Variants in C8B observed in about 807,000 individuals in gnomAD.
C8B encodes the protein complement component C8 beta chain.
In C8B, 67 loss-of-function variants were observed where a neutral mutation model predicts 64.6. That is an observed-to-expected ratio of 1.04 (90% CI 0.85 to 1.27). The LOEUF (loss-of-function observed/expected upper bound fraction) is 1.27, where lower values mean the gene tolerates loss of function less well. C8B is among the 50% of genes most tolerant of loss of function. C8B has a pLI of 0.00. For missense variants in C8B, 790 were observed against 725.2 expected (o/e 1.09, Z -1.03); for synonymous variants, 284 against 257.7 (o/e 1.10, Z -0.98).
chr1:56,945,047 G>C (rs1437359238), intron 7 of C8B, among the ~76,000 whole-genome samples: 1 of 152,204 alleles, frequency 6.6e-6, no homozygotes, highest in African/African-American at 2.4e-5. Flanking sequence ...GATAATCTGA[G>C]ACCTTGCTAT....
intron 8 of C8B, 41 bp from the exon 9 acceptor site, chr1:56,941,053 C>A: frequency 6.2e-7 from 1 of 1,609,532 alleles, no homozygotes; most frequent in South Asian, 1.1e-5. Flanking sequence ...GAAGATATCC[C>A]TTTGCCCCCT....
At chr1:56,930,177 C>T (rs1326096071) in intron 11 of C8B, among the ~76,000 whole-genome samples, 1 of 152,196 alleles carries the variant, frequency 6.6e-6, no homozygotes, top group Non-Finnish European at 1.5e-5. Context: ...TAGTTATCTT[C>T]TTCTCAAACT....
intron 10 of C8B, among the ~76,000 whole-genome samples, chr1:56,932,337 T>A (rs916036044): frequency 6.6e-6 from 1 of 152,178 alleles, no homozygotes; most frequent in Non-Finnish European, 1.5e-5. Flanking sequence ...GAATTTGTAA[T>A]CTGTCAAGCA....
chr1:56,938,940 A>G (rs1644812286), intron 9 of C8B, among the ~76,000 whole-genome samples: 1 of 151,972 alleles, frequency 6.6e-6, no homozygotes, highest in Non-Finnish European at 1.5e-5. Flanking sequence ...TATATTTCCA[A>G]CTCAGGGTGG....
intron 9 of C8B, among the ~76,000 whole-genome samples, chr1:56,934,925 T>A (rs765511152): frequency 7.2e-5 from 11 of 152,162 alleles, no homozygotes; most frequent in Non-Finnish European, 1.0e-4. Context: ...CTACCAGCAC[T>A]GGGGTTTGCT....
At chr1:56,952,795 G>T (rs1280343155) in intron 4 of C8B, among the ~76,000 whole-genome samples, 1 of 152,140 alleles carries the variant, frequency 6.6e-6, no homozygotes, top group Non-Finnish European at 1.5e-5. Flanking sequence ...CTGCTCATAT[G>T]CAAATAGGGA....
Position 56,946,081 on chromosome 1 carries a change from G to T in C8B, c.865-20C>A. 6.2e-7 allele frequency: 1 copy of T among 1,613,632 alleles called. No individual in the cohort carries two copies. ...GCTTTTCTAAATGAAATACCAACAT[G>T]GGAAAACCAGACCTTTAAAGTTAGG... On this transcript the variant is annotated intron_variant, in intron 6 of 11. Coordinates refer to ENST00000371237, the MANE Select transcript of C8B (RefSeq NM_000066.4).
At chr1:56,956,446 T>C (rs908405343) in intron 3 of C8B, among the ~76,000 whole-genome samples, 7 of 152,334 alleles carry the variant, frequency 4.6e-5, no homozygotes, top group African/African-American at 1.7e-4. Context: ...CACATACTTT[T>C]TGTGTCTTTA....
chr1:56,940,709 T>C (rs1268730927), intron 9 of C8B, 140 bp downstream of exon 9: 2 of 858,116 alleles, frequency 2.3e-6, no homozygotes, highest in Admixed American at 2.0e-5. Flanking sequence ...ATTTCAAATA[T>C]ATTTTCTACT....
intron 8 of C8B, among the ~76,000 whole-genome samples, chr1:56,942,836 C>T (rs913955968): frequency 3.3e-5 from 5 of 151,760 alleles, no homozygotes; most frequent in Non-Finnish European, 4.4e-5. Flanking sequence ...TTGAGGGTAC[C>T]GAGGCTTGTA....
chr1:56,943,592 T>A (rs1644896549), intron 8 of C8B, 104 bp downstream of exon 8: 12 of 1,349,640 alleles, frequency 8.9e-6, no homozygotes, highest in South Asian at 2.3e-5. Context: ...GCCTAGAAGT[T>A]GGGATAGTAT....
intron 9 of C8B, among the ~76,000 whole-genome samples, chr1:56,940,516 G>A (rs1644836184): frequency 6.6e-6 from 1 of 152,058 alleles, no homozygotes; most frequent in African/African-American, 2.4e-5. Flanking sequence ...GCTGCAATCA[G>A]CCAAGATCAT....
At chr1:56,959,877 G>A (rs1448077051) in intron 2 of C8B, 143 bp downstream of exon 2, 3 of 935,578 alleles carry the variant, frequency 3.2e-6, no homozygotes, top group Non-Finnish European at 5.1e-6. Context: ...TGGAAGCACA[G>A]AAGGAAAGGA....
At position 56,940,994 on chromosome 1, in the gene C8B, G is replaced by T; in HGVS notation, c.1253C>A (p.Thr418Asn). ...NEIKDRNKRD[T>N]MVEDLVVLVR... ...CAGGACCACCAAGTCCTCCACCATG[G>T]TGTCCCTCTTGTTTCTGTCTGGAAT... The change falls in exon 9 of 12, where the codon ACC becomes AAC. Residue 418 changes from threonine (T) to asparagine (N), a missense_variant. Thr to Asn is a moderately conservative substitution (Grantham distance 65, BLOSUM62 0). Transcript: ENST00000371237. The T allele has an allele frequency of 6.2e-7, 1 of 1,614,038 alleles. No individual in the cohort carries two copies. The highest frequency in any genetic ancestry group is 8.5e-7 in the Non-Finnish European group (1 of 1,180,012).
intron 1 of C8B, among the ~76,000 whole-genome samples, chr1:56,961,123 T>G (rs547822585): frequency 3.3e-5 from 5 of 152,196 alleles, no homozygotes; most frequent in Non-Finnish European, 7.3e-5. Context: ...AGTGGATGAA[T>G]GAGGATGCTA....
chr1:56,933,190 A>G, intron 10 of C8B, 145 bp downstream of exon 10: 1 of 746,686 alleles, frequency 1.3e-6, no homozygotes, highest in Non-Finnish European at 2.4e-6. Flanking sequence ...TGGGGCTAGA[A>G]CCCAGGTATA....
chr1:56,938,290 T>C (rs1644802052), intron 9 of C8B, among the ~76,000 whole-genome samples: 1 of 152,206 alleles, frequency 6.6e-6, no homozygotes, highest in African/African-American at 2.4e-5. Flanking sequence ...CATCACTGTC[T>C]CAATTTTCTG....
chr1:56,954,132 C>T (rs1286004341), intron 4 of C8B, among the ~76,000 whole-genome samples: 1 of 152,102 alleles, frequency 6.6e-6, no homozygotes, highest in Non-Finnish European at 1.5e-5. Flanking sequence ...AAGTAAGGTG[C>T]ATGCCAGGCC....
intron 9 of C8B, among the ~76,000 whole-genome samples, chr1:56,934,090 A>T (rs1644741307): frequency 6.6e-6 from 1 of 151,982 alleles, no homozygotes; most frequent in Admixed American, 6.6e-5. Flanking sequence ...TGCACTACTC[A>T]TCTGAAACAA....
Sources: gnomAD v4.1 joint callset for allele counts (sites outside exome capture counted in the v4.1 genomes callset) on GRCh38, gnomAD v4.1.1 for gene constraint, MANE v1.5 for transcripts, NCBI Gene and HGNC (gene_info 2026-07-23, HGNC 2026-07-21) for gene names.